CACNA2D3: variants seen among roughly 807,000 people sequenced by gnomAD.
The protein encoded by CACNA2D3 is calcium voltage-gated channel auxiliary subunit alpha2delta 3.
In CACNA2D3, 60 loss-of-function variants were observed where a neutral mutation model predicts 160.6. The observed-to-expected ratio is 0.37, with a 90% confidence interval of 0.30 to 0.46. The LOEUF is 0.46. CACNA2D3 is among the 20% of genes least tolerant of loss of function. The pLI, the probability that CACNA2D3 is intolerant of heterozygous loss-of-function variation, is 1.00. For missense variants in CACNA2D3, 1,205 were observed against 1,365.0 expected (o/e 0.88, Z 1.85); for synonymous variants, 558 against 492.9 (o/e 1.13, Z -1.75).
chr3:54,275,843 C>G (rs1702727674), intron 2 of CACNA2D3, among the ~76,000 whole-genome samples: 1 of 151,932 alleles, frequency 6.6e-6, no homozygotes, highest in African/African-American at 2.4e-5. Context: ...GTCTTGAACT[C>G]CTGACCTCAG....
intron 2 of CACNA2D3, among the ~76,000 whole-genome samples, chr3:54,267,386 A>G (rs112504290): frequency 1.1e-4 from 17 of 152,292 alleles, no homozygotes; most frequent in African/African-American, 4.1e-4. Flanking sequence ...GCTACTCGTT[A>G]CAATTTAAAT....
intron 13 of CACNA2D3, among the ~76,000 whole-genome samples, chr3:54,779,009 T>C (rs1052451390): frequency 1.3e-5 from 2 of 152,230 alleles, no homozygotes; most frequent in African/African-American, 4.8e-5. Context: ...GATAATGGCA[T>C]TCTGACATAT....
chr3:54,233,754 T>C (rs1464610212), intron 2 of CACNA2D3, among the ~76,000 whole-genome samples: 1 of 152,148 alleles, frequency 6.6e-6, no homozygotes, highest in Non-Finnish European at 1.5e-5. Flanking sequence ...CGAAGAGAAG[T>C]TGGGGATCCT....
intron 13 of CACNA2D3, among the ~76,000 whole-genome samples, chr3:54,790,698 A>C (rs957422680): frequency 6.6e-6 from 1 of 152,030 alleles, no homozygotes; most frequent in African/African-American, 2.4e-5. Flanking sequence ...CCTAGAGCCC[A>C]CCTTCCAAGT....
Position 54,173,132 on chromosome 3 carries a change from G to A in CACNA2D3, c.204+49538G>A, listed in dbSNP as rs77859500. Among the ~76,000 whole-genome samples, 14 of 152,320 alleles carry A rather than the reference G, an allele frequency of 9.2e-5. 1 individual carries two copies. In the East Asian group the frequency reaches 2.7e-3, roughly 29 times the overall value. ...CATTCCTCCACCTTGGGAGAGGCAAGGAGTACATCAGCAATATGAAAGCTC... is the reference window on the plus strand; with the variant it reads ...CATTCCTCCACCTTGGGAGAGGCAAAGAGTACATCAGCAATATGAAAGCTC... On this transcript the variant is annotated intron_variant, in intron 2 of 37. Transcript: ENST00000474759.
chr3:54,757,797 A>G (rs527778309), intron 12 of CACNA2D3, among the ~76,000 whole-genome samples: 1 of 152,286 alleles, frequency 6.6e-6, no homozygotes, highest in South Asian at 2.1e-4. Flanking sequence ...CAGAGAAGGA[A>G]ACTGAGGCTG....
intron 4 of CACNA2D3, among the ~76,000 whole-genome samples, chr3:54,418,068 A>G (rs570319454): frequency 1.1e-4 from 16 of 152,326 alleles, no homozygotes; most frequent in African/African-American, 3.8e-4. Context: ...AATTACAGGC[A>G]TGAGCCACTG....
At chr3:55,068,104 G>A (rs1253930573) in intron 35 of CACNA2D3, among the ~76,000 whole-genome samples, 1 of 152,100 alleles carries the variant, frequency 6.6e-6, no homozygotes, top group African/African-American at 2.4e-5. Flanking sequence ...ACACTTGAGG[G>A]TCCTCAGTCT....
chr3:54,796,180 G>C (rs1702862395), intron 13 of CACNA2D3, among the ~76,000 whole-genome samples: 1 of 152,082 alleles, frequency 6.6e-6, no homozygotes, highest in Non-Finnish European at 1.5e-5. Flanking sequence ...CATTAACAGA[G>C]TACTTTAAGT....
Position 54,771,177 on chromosome 3 carries a change from G to A in CACNA2D3, c.1380+6826G>A, listed in dbSNP as rs147813707. 4.1e-3 allele frequency among the ~76,000 whole-genome samples: 627 copies of A among 152,296 alleles called. 8 individuals are homozygous for A. The highest frequency in any genetic ancestry group is 0.014 in the African/African-American group (598 of 41,564). ...ACAGATCTTTCCAGACACAGAGAGA[G>A]GGGTCACTAATTGGTGTGTGAGCAG... is the stretch of plus-strand genomic sequence containing the variant. On this transcript the variant is annotated intron_variant, in intron 13 of 37. Transcript: ENST00000474759.
chr3:54,429,770 A>G (rs761398817), intron 4 of CACNA2D3, among the ~76,000 whole-genome samples: 1 of 152,146 alleles, frequency 6.6e-6, no homozygotes, highest in Non-Finnish European at 1.5e-5. Context: ...TTTTTCTCGG[A>G]TGTTGGAATA....
chr3:54,859,551 G>A (rs1699239684), intron 17 of CACNA2D3, among the ~76,000 whole-genome samples: 1 of 152,138 alleles, frequency 6.6e-6, no homozygotes, highest in South Asian at 2.1e-4. Flanking sequence ...CCTAGAGATG[G>A]AGTCTACCCC....
intron 5 of CACNA2D3, among the ~76,000 whole-genome samples, chr3:54,552,661 A>G (rs901131073): frequency 6.6e-6 from 1 of 152,142 alleles, no homozygotes; most frequent in African/African-American, 2.4e-5. Flanking sequence ...TGTGTGGCAC[A>G]TTGTAAGTGC....
chr3:54,226,103 C>A (rs539005873), intron 2 of CACNA2D3, among the ~76,000 whole-genome samples: 1 of 152,206 alleles, frequency 6.6e-6, no homozygotes, highest in South Asian at 2.1e-4. Context: ...GTCATTGGCA[C>A]TGAACTCCAG....
chr3:54,871,092 A>G (rs1699516466), intron 17 of CACNA2D3, among the ~76,000 whole-genome samples: 1 of 126,750 alleles, frequency 7.9e-6, no homozygotes, highest in Non-Finnish European at 1.7e-5. Context: ...ACACACACAC[A>G]CCATTCAATG....
At chr3:54,368,264 G>A (rs934758430) in intron 3 of CACNA2D3, among the ~76,000 whole-genome samples, 1 of 152,156 alleles carries the variant, frequency 6.6e-6, no homozygotes, top group Admixed American at 6.5e-5. Context: ...GAGCCCGGGA[G>A]TTCTAGACCA....
At chr3:54,799,180 T>C (rs1033861390) in intron 13 of CACNA2D3, among the ~76,000 whole-genome samples, 1 of 152,218 alleles carries the variant, frequency 6.6e-6, no homozygotes, top group Non-Finnish European at 1.5e-5. Flanking sequence ...ATATATATCA[T>C]AACATAGCAG....
chr3:54,569,941 T>C lies in CACNA2D3; in HGVS notation c.738-13T>C, dbSNP rs773382247. The C allele has an allele frequency of 6.2e-7, 1 of 1,613,828 alleles. No homozygotes were observed. Among genetic ancestry groups the C allele is most frequent in the South Asian group, 1.1e-5 (1 of 91,072 alleles). Reference sequence around the variant, plus strand: ...TCAGGATTAATTTTGACTTAATTTTTCCCTTGACCTAGGTACATCCAGGCA... The same window carrying C: ...TCAGGATTAATTTTGACTTAATTTTCCCCTTGACCTAGGTACATCCAGGCA... On this transcript the variant is annotated splice_polypyrimidine_tract_variant and intron_variant, in intron 7 of 37. Transcript: ENST00000474759.
intron 3 of CACNA2D3, among the ~76,000 whole-genome samples, chr3:54,331,649 C>T (rs999480036): frequency 2.6e-5 from 4 of 152,006 alleles, no homozygotes; most frequent in East Asian, 1.9e-4. Flanking sequence ...TGGCTGGGTG[C>T]GGGGGAAAGA....
Sources: gnomAD v4.1 joint callset for allele counts (sites outside exome capture counted in the v4.1 genomes callset) on GRCh38, gnomAD v4.1.1 for gene constraint, MANE v1.5 for transcripts, NCBI Gene and HGNC (gene_info 2026-07-23, HGNC 2026-07-21) for gene names.